The following TENM1 variants were observed in gnomAD, a reference collection of about 807,000 sequenced individuals.
TENM1 encodes the protein teneurin-1.
Under a neutral mutation model 174.8 loss-of-function variants are expected in TENM1, and 35 were observed. The ratio of observed to expected loss-of-function variants is 0.20; its 90% CI spans 0.15 to 0.27. The LOEUF is 0.27. Ranked by LOEUF, TENM1 falls within the 10% of genes least tolerant of loss-of-function variation. TENM1 has a pLI of 1.00. For missense variants in TENM1, 1,633 were observed against 2,130.1 expected (o/e 0.77, Z 4.59); for synonymous variants, 781 against 798.7 (o/e 0.98, Z 0.37).
At chrX:124,672,031 A>G (rs1332214903) in intron 5 of TENM1, among the ~76,000 whole-genome samples, 196 bp from the exon 9 acceptor site, 1 of 112,198 alleles carries the variant, frequency 8.9e-6, no homozygotes, top group Non-Finnish European at 1.9e-5. Flanking sequence ...AACAGCTGTT[A>G]AAGTAGCTGT....
At chrX:125,070,725 T>C in the TENM1 span, among the ~76,000 whole-genome samples, 1 of 111,534 alleles carries the variant, frequency 9.0e-6, no homozygotes, top group Non-Finnish European at 1.9e-5. Context: ...GGAAGGGAAA[T>C]AGATGTATTC....
rs1308166679 is a variant in TENM1, at chrX:124,648,807, CTT to C, written c.1580-1999_1580-1998del. Among the ~76,000 whole-genome samples, 3 of 112,018 alleles carry C rather than the reference CTT, an allele frequency of 2.7e-5. No individual in the cohort carries two copies. The East Asian group carries it at 8.4e-4, about 31-fold the overall frequency. On this transcript the variant is annotated intron_variant, in intron 8 of 31. Coordinates refer to ENST00000422452, the Ensembl canonical transcript of TENM1. The stretch of plus-strand genomic sequence containing the variant: ...ATTTCATACCAGATCCTATTGGAAA[CTT>C]TATGGAAGCAGCCTTGTGGGAATGT...
the TENM1 span, among the ~76,000 whole-genome samples, chrX:125,038,762 A>G: frequency 9.0e-6 from 1 of 111,678 alleles, no homozygotes; most frequent in Non-Finnish European, 1.9e-5. Flanking sequence ...CCTTTATACC[A>G]AAAGTGAATA....
chrX:125,042,919 G>T, the TENM1 span, among the ~76,000 whole-genome samples: 1 of 111,271 alleles, frequency 9.0e-6, no homozygotes, highest in Admixed American at 9.6e-5. Context: ...ACAACTGGCT[G>T]GTTAGTACAC....
chrX:124,604,321 T>A (rs2050100480), intron 11 of TENM1, among the ~76,000 whole-genome samples: 1 of 111,565 alleles, frequency 9.0e-6, no homozygotes, highest in African/African-American at 3.2e-5. Flanking sequence ...AAAAGAGTAA[T>A]AATGTGTAGT....
chrX:124,383,728 T>A (rs772479560), exon 30 of TENM1: 1 of 1,209,905 alleles, frequency 8.3e-7, no homozygotes, highest in African/African-American at 1.7e-5. Context: ...GGTTCAACTG[T>A]TTCCATATGT....
chrX:124,422,758 C>T (rs1322974001), intron 23 of TENM1, 120 bp from the exon 27 acceptor site: 2 of 705,430 alleles, frequency 2.8e-6, no homozygotes, highest in Non-Finnish European at 4.2e-6. Context: ...ATTTTAGCAA[C>T]ATTGGTGATG....
chrX:124,606,081 G>T (rs2050149203), intron 11 of TENM1, among the ~76,000 whole-genome samples: 1 of 111,043 alleles, frequency 9.0e-6, no homozygotes, highest in Admixed American at 9.6e-5. Context: ...CCTAAACCTG[G>T]TGTATTTAGA....
rs1300737700 is a variant in TENM1 at position 124,770,321 on chromosome X, T to C, written c.536-33124A>G. ...GCTTCTTATTCATCTTTCCATTATA[T>C]TTCACACCAGTACAGAATATCAGAA... On this transcript the variant is annotated intron_variant, in intron 3 of 31. Coordinates refer to ENST00000422452, the Ensembl canonical transcript of TENM1. Among the ~76,000 whole-genome samples, 5 of 111,723 alleles carry C rather than the reference T, an allele frequency of 4.5e-5. No homozygotes were observed. The East Asian group carries it at 1.1e-3, about 25-fold the overall frequency.
At position 124,475,447 on chromosome X, in the gene TENM1, G is replaced by A. The variant is rs192750010; in HGVS notation, c.3949+6285C>T. Among the ~76,000 whole-genome samples the A allele has an allele frequency of 1.3e-3, 141 of 111,524 alleles. 1 individual carries two copies. Among genetic ancestry groups the A allele is most frequent in the African/African-American group, 4.4e-3 (135 of 30,718 alleles). ...CCATCTCTCACATTCAAGCTTCTCA[G>A]AAGAGTGAGCTTCACCAGTGATATT... On this transcript the variant is annotated intron_variant, in intron 22 of 31. Coordinates refer to ENST00000422452, the Ensembl canonical transcript of TENM1.
intron 3 of TENM1, among the ~76,000 whole-genome samples, chrX:124,771,979 G>A (rs1313377422): frequency 8.9e-6 from 1 of 111,841 alleles, no homozygotes; most frequent in African/African-American, 3.2e-5. Context: ...CAAATGCACT[G>A]TATGAATGTT....
At chrX:124,964,433 G>A (rs1379917122), upstream of TENM1, among the ~76,000 whole-genome samples, 2 of 111,382 alleles carry the variant, frequency 1.8e-5, no homozygotes, top group East Asian at 2.8e-4. Flanking sequence ...GTTAGGTGGT[G>A]GTAAATTTTT....
chrX:124,760,026 C>G lies in TENM1; in HGVS notation c.536-22829G>C, dbSNP rs982688818. The stretch of plus-strand genomic sequence containing the variant: ...GTCCCGGATGAAGCCCACCCTTTCA[C>G]GACTAATTGTCTCTGAATACAGCCC... On this transcript the variant is annotated intron_variant, in intron 3 of 31. Transcript: ENST00000422452. Among the ~76,000 whole-genome samples the G allele has an allele frequency of 7.2e-5, 8 of 111,193 alleles. No individual in the cohort carries two copies. In the Admixed American group the frequency reaches 7.6e-4, roughly 11 times the overall value.
intron 16 of TENM1, among the ~76,000 whole-genome samples, chrX:124,529,503 G>T (rs778851638): frequency 6.3e-5 from 7 of 111,862 alleles, no homozygotes; most frequent in Non-Finnish European, 1.3e-4. Flanking sequence ...TATTTTTGAT[G>T]CATTCATTTC....
chrX:124,975,173 C>T, the TENM1 span, among the ~76,000 whole-genome samples: 1 of 109,796 alleles, frequency 9.1e-6, no homozygotes, highest in Non-Finnish European at 1.9e-5. Context: ...TTCAAATTAT[C>T]TTTTTCTTAT....
intron 11 of TENM1, among the ~76,000 whole-genome samples, chrX:124,623,223 G>A (rs1257262690): frequency 1.8e-5 from 2 of 109,498 alleles, no homozygotes; most frequent in Admixed American, 9.7e-5. Context: ...GTGCATGAAC[G>A]TGCAACAGTG....
chrX:125,004,553 C>G, the TENM1 span, among the ~76,000 whole-genome samples: 1 of 112,097 alleles, frequency 8.9e-6, no homozygotes, highest in South Asian at 3.7e-4. Context: ...TTAGTAATTG[C>G]AACTTTACAT....
chrX:124,602,117 G>T (rs1445231025), intron 11 of TENM1, among the ~76,000 whole-genome samples: 1 of 110,940 alleles, frequency 9.0e-6, no homozygotes, highest in Non-Finnish European at 1.9e-5. Context: ...ATAATTTTAG[G>T]TTGAGAAGGT....
intron 1 of TENM1, among the ~76,000 whole-genome samples, chrX:124,900,267 G>A (rs2057636013): frequency 8.9e-6 from 1 of 111,831 alleles, no homozygotes; most frequent in Admixed American, 9.5e-5. Flanking sequence ...AAATGACTCT[G>A]CTAAGTGAAA....
Sources: allele counts gnomAD v4.1 joint callset (sites outside exome capture counted in the v4.1 genomes callset), GRCh38; gene constraint gnomAD v4.1.1; transcripts MANE v1.5; gene names NCBI Gene and HGNC (gene_info 2026-07-23, HGNC 2026-07-21).